Variants in ROBO1 observed in about 807,000 individuals in gnomAD.
ROBO1 encodes roundabout homolog 1.
In ROBO1, 149 loss-of-function variants were observed where a neutral mutation model predicts 195.9. That is an observed-to-expected ratio of 0.76 (90% CI 0.67 to 0.87). ROBO1 has a LOEUF of 0.87. Among genes scored for constraint, ROBO1 ranks in the 40% least tolerant of loss-of-function variants. The pLI, the probability that ROBO1 is intolerant of heterozygous loss-of-function variation, is 0.00. For missense variants in ROBO1, 1,933 were observed against 2,068.3 expected (o/e 0.93, Z 1.27); for synonymous variants, 816 against 733.2 (o/e 1.11, Z -1.82).
At chr3:78,646,736 A>AT (rs1706318626) in intron 20 of ROBO1, among the ~76,000 whole-genome samples, 1 of 151,846 alleles carries the variant, frequency 6.6e-6, no homozygotes, top group South Asian at 2.1e-4. Context: ...CATGTGACCT[A>AT]TTTTTTATTG....
intron 2 of ROBO1, among the ~76,000 whole-genome samples, chr3:79,428,508 T>C (rs1369981485): frequency 6.6e-6 from 1 of 152,164 alleles, no homozygotes; most frequent in Non-Finnish European, 1.5e-5. Context: ...TTTGGCAGTA[T>C]ATTCTCTGGT....
At position 79,195,542 on chromosome 3, in the gene ROBO1, A is replaced by T. The variant is rs542666317; in HGVS notation, c.89-70003T>A. On this transcript the variant is annotated intron_variant, in intron 2 of 30. Transcript: ENST00000464233. Reference sequence around the variant, plus strand: ...TTTTGAAAATTATCAGATAAAAAAGATATCTGATGAGTTTGTTCTTGATTA... The same window carrying T: ...TTTTGAAAATTATCAGATAAAAAAGTTATCTGATGAGTTTGTTCTTGATTA... Among the ~76,000 whole-genome samples, 123 of 151,766 alleles carry T rather than the reference A, an allele frequency of 8.1e-4. 1 individual carries two copies. The highest frequency in any genetic ancestry group is 6.8e-3 in the Middle Eastern group (2 of 294).
rs1167482550 is a variant in ROBO1, at chr3:79,412,874, A to ATTTTTTTTTTTTT, written c.88+176937_88+176949dup. Reference sequence around the variant, plus strand: ...AATGATTTTATTGCCTCATGAGCTGATTTTTTTTTTTTTTTTTTTTTTTTT... The same window carrying ATTTTTTTTTTTTT: ...AATGATTTTATTGCCTCATGAGCTGATTTTTTTTTTTTTTTTTTTTTTTTTTTTTTTTTTTTTT... On this transcript the variant is annotated intron_variant, in intron 2 of 30. Coordinates refer to ENST00000464233, the MANE Select transcript of ROBO1 (RefSeq NM_002941.4). 1.0e-3 allele frequency among the ~76,000 whole-genome samples: 40 copies of ATTTTTTTTTTTTT among 38,346 alleles called. 8 individuals are homozygous for ATTTTTTTTTTTTT. Among genetic ancestry groups the ATTTTTTTTTTTTT allele is most frequent in the African/African-American group, 1.3e-3 (11 of 8,184 alleles). 25.2% of individuals were successfully genotyped at this position (38,346 alleles called of 152,430 possible). A position where few individuals can be genotyped will look rare whatever the true frequency, so the allele number is the denominator to read the frequency against.
intron 5 of ROBO1, among the ~76,000 whole-genome samples, chr3:78,737,688 A>G (rs58305490): frequency 0.056 from 8,561 of 152,284 alleles, 701 homozygotes; most frequent in African/African-American, 0.19. Flanking sequence ...TGTTTCAATT[A>G]TTAAATATAA....
chr3:79,427,717 T>G (rs971591148), intron 2 of ROBO1, among the ~76,000 whole-genome samples: 2 of 152,114 alleles, frequency 1.3e-5, no homozygotes, highest in African/African-American at 4.8e-5. Flanking sequence ...ATAAGTGGTG[T>G]TGGGAAAACT....
intron 2 of ROBO1, among the ~76,000 whole-genome samples, chr3:79,205,873 A>C (rs952125234): frequency 6.6e-6 from 1 of 152,172 alleles, no homozygotes; most frequent in Admixed American, 6.5e-5. Context: ...GGTCCTTGTG[A>C]CAAGTTTCAG....
chr3:79,577,708 T>C (rs1943532086), intron 2 of ROBO1, among the ~76,000 whole-genome samples: 1 of 144,794 alleles, frequency 6.9e-6, no homozygotes, highest in Non-Finnish European at 1.5e-5. Context: ...AAATCCTGTC[T>C]TTACTAAAAA....
At chr3:78,689,928 GAA>G in intron 8 of ROBO1, among the ~76,000 whole-genome samples, 1 of 151,008 alleles carries the variant, frequency 6.6e-6, no homozygotes, top group South Asian at 2.1e-4. Context: ...GTCAGTATTT[GAA>G]AAGATACTTT....
chr3:78,711,631 G>A (rs528120047), intron 8 of ROBO1, among the ~76,000 whole-genome samples: 3 of 146,948 alleles, frequency 2.0e-5, no homozygotes, highest in South Asian at 2.2e-4. Context: ...GATTACAGCC[G>A]CATGCCACCA....
At chr3:79,151,142 C>T (rs556054227) in intron 2 of ROBO1, among the ~76,000 whole-genome samples, 1 of 151,838 alleles carries the variant, frequency 6.6e-6, no homozygotes, top group South Asian at 2.1e-4. Context: ...TTTGCTCCTC[C>T]TTGCCTTCCA....
chr3:78,987,274 C>T (rs551239270), intron 3 of ROBO1, among the ~76,000 whole-genome samples: 42 of 151,880 alleles, frequency 2.8e-4, no homozygotes, highest in Non-Finnish European at 1.3e-4. Context: ...TTTGGAGCTA[C>T]CTATACTACA....
intron 2 of ROBO1, among the ~76,000 whole-genome samples, chr3:79,151,771 C>G (rs757946531): frequency 7.9e-5 from 12 of 151,748 alleles, no homozygotes; most frequent in Non-Finnish European, 1.3e-4. Flanking sequence ...AAATTATAGG[C>G]CAAGCTCATC....
chr3:78,627,428 G>C lies in ROBO1; in HGVS notation c.3768C>G (p.Ser1256Arg). 6.2e-7 allele frequency: 1 copy of C among 1,613,050 alleles called. No individual in the cohort carries two copies. Among genetic ancestry groups the C allele is most frequent in the Non-Finnish European group, 8.5e-7 (1 of 1,179,548 alleles). ...GAGTCAGAGTGGCAGTGGACTGATG[G>C]CTATAGGACACGGCAGCTGGAGAAG... Reference protein sequence around the residue: ...AASSPAAVSYSHQSTATLTPS... With the variant: ...AASSPAAVSYRHQSTATLTPS... The change falls in exon 26 of 31, where the codon AGC becomes AGG. Residue 1256 changes from serine (S) to arginine (R), a missense_variant. Ser to Arg is a moderately radical substitution (Grantham distance 110, BLOSUM62 -1). This residue lies in a region of ROBO1 where 1,737 missense variants were observed against 1,882.5 expected (regional missense o/e 0.92). Transcript: ENST00000464233.
In ROBO1 at chr3:78,961,147, T is replaced by C. The variant is rs566479014; in HGVS notation, c.173-22220A>G. 1.1e-4 allele frequency among the ~76,000 whole-genome samples: 17 copies of C among 152,306 alleles called. No homozygotes were observed. The South Asian group carries it at 2.5e-3, about 22-fold the overall frequency. On this transcript the variant is annotated intron_variant, in intron 3 of 30. Transcript: ENST00000464233. ...ACTATACATATACTGGCAATACTTCTGCAACCTTTGAACTTAAAGATATTT... is the reference window on the plus strand; with the variant it reads ...ACTATACATATACTGGCAATACTTCCGCAACCTTTGAACTTAAAGATATTT...
At chr3:78,822,708 A>T (rs2031132463) in intron 4 of ROBO1, among the ~76,000 whole-genome samples, 1 of 152,232 alleles carries the variant, frequency 6.6e-6, no homozygotes, top group Non-Finnish European at 1.5e-5. Flanking sequence ...TTCTGGTCCA[A>T]CTTAATGTCT....
At chr3:79,271,159 G>A (rs1212975374) in intron 2 of ROBO1, among the ~76,000 whole-genome samples, 2 of 151,936 alleles carry the variant, frequency 1.3e-5, no homozygotes, top group Non-Finnish European at 2.9e-5. Flanking sequence ...CAACTATTGT[G>A]TGTCATGCAA....
chr3:79,248,182 C>A (rs999885390), intron 2 of ROBO1, among the ~76,000 whole-genome samples: 2 of 151,744 alleles, frequency 1.3e-5, no homozygotes, highest in African/African-American at 4.8e-5. Flanking sequence ...AAAGTATTTC[C>A]AGCCACTCTT....
chr3:79,273,789 T>C (rs1040661902), intron 2 of ROBO1, among the ~76,000 whole-genome samples: 2 of 150,860 alleles, frequency 1.3e-5, no homozygotes, highest in African/African-American at 4.9e-5. Flanking sequence ...AAGGTACACA[T>C]AGGTTGAAAA....
At chr3:79,298,076 G>A (rs1407017741) in intron 2 of ROBO1, among the ~76,000 whole-genome samples, 1 of 152,018 alleles carries the variant, frequency 6.6e-6, no homozygotes, top group Non-Finnish European at 1.5e-5. Flanking sequence ...TATTCTCAAA[G>A]TGATAATGAA....
Sources: allele counts gnomAD v4.1 joint callset (sites outside exome capture counted in the v4.1 genomes callset), GRCh38; gene constraint gnomAD v4.1.1; regional missense constraint gnomAD v4.1.1; transcripts MANE v1.5; gene names NCBI Gene and HGNC (gene_info 2026-07-23, HGNC 2026-07-21).